RPGRIP1: variants seen among roughly 807,000 people sequenced by gnomAD.
RPGRIP1 encodes the protein RPGR interacting protein 1.
Under a neutral mutation model 157.9 loss-of-function variants are expected in RPGRIP1, and 128 were observed. The ratio of observed to expected loss-of-function variants is 0.81; its 90% CI spans 0.70 to 0.94. The LOEUF is 0.94. Among genes scored for constraint, RPGRIP1 ranks in the 40% least tolerant of loss-of-function variants. The pLI is 0.00. For missense variants in RPGRIP1, 1,486 were observed against 1,545.8 expected (o/e 0.96, Z 0.65); for synonymous variants, 554 against 571.6 (o/e 0.97, Z 0.44).
intron 1 of RPGRIP1, among the ~76,000 whole-genome samples, chr14:21,283,290 C>G (rs1423445584): frequency 6.6e-6 from 1 of 152,000 alleles, no homozygotes; most frequent in Non-Finnish European, 1.5e-5. Context: ...AGATGCTACT[C>G]TATTTATTTT....
At chr14:21,349,138 T>G (rs1885888637) in intron 24 of RPGRIP1, among the ~76,000 whole-genome samples, 1 of 146,438 alleles carries the variant, frequency 6.8e-6, no homozygotes, top group Non-Finnish European at 1.5e-5. Flanking sequence ...TGGTGTGATC[T>G]CGGCTCACTG....
At position 21,343,044 on chromosome 14, in the gene RPGRIP1, G is replaced by T. The variant is rs748847818; in HGVS notation, c.3348G>T (p.Glu1116Asp). ...MSQKYPKADS[E>D]KMCIEIVSLA... ...AACATTTTCCTTATCAGGATTCAGA[G>T]AAGATGTGCATTGAAATTGTCTCCC... Residue 1116 changes from glutamate (E) to aspartate (D), a missense_variant, in exon 22 of 25, where the codon GAG becomes GAT. Transcript: ENST00000400017. The T allele has an allele frequency of 6.2e-7, 1 of 1,611,664 alleles. No individual in the cohort carries two copies. Among genetic ancestry groups the T allele is most frequent in the Non-Finnish European group, 8.5e-7 (1 of 1,178,576 alleles).
At chr14:21,298,126 T>C (rs1880873424) in intron 3 of RPGRIP1, among the ~76,000 whole-genome samples, 1 of 152,032 alleles carries the variant, frequency 6.6e-6, no homozygotes. Context: ...CAGACAAAAT[T>C]AGGCAGTGGA....
In RPGRIP1 at chr14:21,303,325, A is replaced by T; in HGVS notation, c.588-6A>T. 6.2e-7 allele frequency: 1 copy of T among 1,603,010 alleles called. No individual in the cohort carries two copies. Among genetic ancestry groups the T allele is most frequent in the Admixed American group, 1.7e-5 (1 of 58,872 alleles). ...AACAGTTTCTAAGTATCCTTTTTGT[A>T]TTTAGTGTTTCTGGTTCTAACAGCA... On this transcript the variant is annotated splice_region_variant and splice_polypyrimidine_tract_variant and intron_variant, in intron 5 of 24. Transcript: ENST00000400017.
At chr14:21,299,817 G>GTTCTGAAGCTGGAAGTCTGAGATCAA in intron 3 of RPGRIP1, among the ~76,000 whole-genome samples, 1 of 152,190 alleles carries the variant, frequency 6.6e-6, no homozygotes, top group Non-Finnish European at 1.5e-5. Flanking sequence ...TTTTCTCAGA[G>GTTCTGAAGCTGGAAGTCTGAGATCAA]TTCTGAAGCT....
At position 21,302,482 on chromosome 14, in the gene RPGRIP1, T is replaced by A; in HGVS notation, c.491-6T>A. 1 of 1,525,360 alleles carries A rather than the reference T, an allele frequency of 6.6e-7. No homozygotes were observed. The highest frequency in any genetic ancestry group is 8.9e-7 in the Non-Finnish European group (1 of 1,125,016). The allele number at this position is 1,525,360 out of a possible 1,614,324, so 94.5% of individuals were successfully genotyped here. ...CCGAGTCTGCATCTTCTGTCTAAAC[T>A]TTTAGGGCCAAGGGACAGGCTGAGC... On this transcript the variant is annotated splice_region_variant and splice_polypyrimidine_tract_variant and intron_variant, in intron 4 of 24. Coordinates refer to ENST00000400017, the MANE Select transcript of RPGRIP1 (RefSeq NM_020366.4).
At chr14:21,307,380 C>T (rs1881361595) in intron 6 of RPGRIP1, among the ~76,000 whole-genome samples, 1 of 152,234 alleles carries the variant, frequency 6.6e-6, no homozygotes, top group Non-Finnish European at 1.5e-5. Flanking sequence ...AGTTTTCTAG[C>T]ACGTTCAAAC....
At chr14:21,284,984 C>A (rs187109845) in intron 1 of RPGRIP1, among the ~76,000 whole-genome samples, 1 of 150,174 alleles carries the variant, frequency 6.7e-6, no homozygotes, top group Admixed American at 6.6e-5. Context: ...TTCATACATT[C>A]GGTGTTTATT....
At chr14:21,294,541 C>T in intron 2 of RPGRIP1, 136 bp from the exon 3 acceptor site, 1 of 877,720 alleles carries the variant, frequency 1.1e-6, no homozygotes, top group Non-Finnish European at 1.7e-6. Flanking sequence ...AGTCATTTCT[C>T]ATACTTCCTG....
intron 5 of RPGRIP1, among the ~76,000 whole-genome samples, 198 bp from the exon 6 acceptor site, chr14:21,303,133 G>A (rs1172667401): frequency 1.3e-5 from 2 of 152,072 alleles, no homozygotes; most frequent in East Asian, 1.9e-4. Context: ...CTCCCAAAGT[G>A]CTGGGATTAC....
At chr14:21,297,057 A>G (rs1880814109) in intron 3 of RPGRIP1, among the ~76,000 whole-genome samples, 2 of 151,924 alleles carry the variant, frequency 1.3e-5, no homozygotes, top group South Asian at 4.2e-4. Flanking sequence ...GATCATACCT[A>G]GTGCATAACA....
chr14:21,339,660 C>T (rs1884785365), intron 21 of RPGRIP1, among the ~76,000 whole-genome samples: 1 of 152,096 alleles, frequency 6.6e-6, no homozygotes, highest in Non-Finnish European at 1.5e-5. Context: ...TAATACATGA[C>T]CTTTCGTTTA....
chr14:21,344,447 T>C (rs1885355352), intron 22 of RPGRIP1, among the ~76,000 whole-genome samples: 1 of 152,226 alleles, frequency 6.6e-6, no homozygotes, highest in Non-Finnish European at 1.5e-5. Context: ...CTGCTGCTCA[T>C]GGAGAATACG....
rs1052861343 is a variant in RPGRIP1, at chr14:21,330,473, C to G, written c.3238+86C>G. The stretch of plus-strand genomic sequence containing the variant: ...CACGAGATCAGGCTTTCAAGAGCAG[C>G]CTGGCCAACATGATGAAACCCGTCT... On this transcript the variant is annotated intron_variant, in intron 20 of 24. Coordinates refer to ENST00000400017, the MANE Select transcript of RPGRIP1 (RefSeq NM_020366.4). 3 of 972,678 alleles carry G rather than the reference C, an allele frequency of 3.1e-6. No individual in the cohort carries two copies. The African/African-American group carries it at 5.2e-5, about 17-fold the overall frequency. The allele number at this position is 972,678 out of a possible 1,614,324, so 60.3% of individuals were successfully genotyped here. A position where few individuals can be genotyped will look rare whatever the true frequency, so the allele number is the denominator to read the frequency against.
chr14:21,325,114 A>C, intron 15 of RPGRIP1, 44 bp downstream of exon 15: 1 of 1,561,536 alleles, frequency 6.4e-7, no homozygotes, highest in Non-Finnish European at 8.7e-7. Context: ...ACCAATGCAG[A>C]ATTTCCCAAA....
chr14:21,286,290 T>C (rs545981089), intron 1 of RPGRIP1, among the ~76,000 whole-genome samples: 1 of 151,724 alleles, frequency 6.6e-6, no homozygotes, highest in Non-Finnish European at 1.5e-5. Flanking sequence ...TGCACCTGGC[T>C]GATACATGTT....
intron 13 of RPGRIP1, 198 bp downstream of exon 13, chr14:21,321,600 T>A: frequency 2.5e-6 from 3 of 1,197,520 alleles, no homozygotes; most frequent in South Asian, 1.8e-5. Context: ...TAGGAGCCAG[T>A]GATGGGGCCA....
At chr14:21,281,476 A>T (rs1473021715) in intron 1 of RPGRIP1, among the ~76,000 whole-genome samples, 2 of 151,750 alleles carry the variant, frequency 1.3e-5, no homozygotes, top group African/African-American at 4.8e-5. Flanking sequence ...ATCACTTGAG[A>T]TCAGGAGTTC....
At position 21,324,953 on chromosome 14, in the gene RPGRIP1, C is replaced by A. The variant is rs775239691; in HGVS notation, c.2098C>A (p.Arg700=). Residue 700 remains arginine, a synonymous_variant, in exon 15 of 25, where the codon CGG becomes AGG. Transcript: ENST00000400017. ...FLHYLQEASA[R]LDIHQAMASE... The stretch of plus-strand genomic sequence containing the variant: ...ACACTACCTTCAAGAGGCTTCAGCC[C>A]GGCTTGACATACACCAGGCCATGGC... The A allele has an allele frequency of 3.7e-6, 6 of 1,613,904 alleles. No individual in the cohort carries two copies. Among genetic ancestry groups the A allele is most frequent in the Non-Finnish European group, 4.2e-6 (5 of 1,179,900 alleles).
Sources: allele counts gnomAD v4.1 joint callset (sites outside exome capture counted in the v4.1 genomes callset), GRCh38; gene constraint gnomAD v4.1.1; transcripts MANE v1.5; gene names NCBI Gene and HGNC (gene_info 2026-07-23, HGNC 2026-07-21).